PGAP1: variants seen among roughly 807,000 people sequenced by gnomAD.
PGAP1 encodes GPI inositol-deacylase.
A neutral mutation model predicts 127.0 loss-of-function variants in PGAP1; 76 were observed. That is an observed-to-expected ratio of 0.60 (90% CI 0.50 to 0.72). The LOEUF (loss-of-function observed/expected upper bound fraction) is 0.72. PGAP1 is among the 30% of genes least tolerant of loss of function. The pLI is 0.00. For synonymous variants in PGAP1, 362 were observed against 366.5 expected (o/e 0.99, Z 0.14); for missense variants, 982 against 1,071.3 (o/e 0.92, Z 1.16).
rs1700219071 is a variant in PGAP1, at chr2:196,835,693, A to G, written c.*5541T>C. ...GAAAAGTTCATTGGCACAAATATCC[A>G]GAGGTATTTTACAGTTTCATTTACC... On this transcript the variant is annotated 3_prime_UTR_variant, in exon 27 of 27. Transcript: ENST00000354764. The G allele has an allele frequency of 6.6e-6, 1 of 152,528 alleles. No homozygotes were observed. The highest frequency in any genetic ancestry group is 1.5e-5 in the Non-Finnish European group (1 of 67,914). 9.4% of individuals were successfully genotyped at this position (152,528 alleles called of 1,614,324 possible). A position where few individuals can be genotyped will look rare whatever the true frequency, so the allele number is the denominator to read the frequency against.
At chr2:196,864,415 A>AAAAAAAC (rs1188656265) in intron 20 of PGAP1, among the ~76,000 whole-genome samples, 3 of 149,318 alleles carry the variant, frequency 2.0e-5, no homozygotes, top group African/African-American at 7.4e-5. Flanking sequence ...AAAAAAAAAA[A>AAAAAAAC]GGCATTTGAT....
intron 5 of PGAP1, 95 bp from the exon 6 acceptor site, chr2:196,898,464 ATATAGTTTCACTATATTG>A (rs1211902107): frequency 1.1e-5 from 9 of 795,602 alleles, no homozygotes; most frequent in Non-Finnish European, 1.9e-5. Context: ...GAAACACATA[ATATAGTTTCACTATATTG>A]TGAGGCCTAG....
chr2:196,903,883 C>A (rs1702588946), intron 4 of PGAP1, among the ~76,000 whole-genome samples: 1 of 152,164 alleles, frequency 6.6e-6, no homozygotes, highest in Admixed American at 6.5e-5. Flanking sequence ...AAATTTAATG[C>A]ATTTTTATCC....
chr2:196,873,467 AC>A, intron 16 of PGAP1, 60 bp downstream of exon 16: 2 of 1,219,416 alleles, frequency 1.6e-6, no homozygotes, highest in African/African-American at 3.1e-5. Flanking sequence ...TTGAGTTAAC[AC>A]CTATTGAGTC....
At chr2:196,911,516 T>C (rs1260084665) in intron 4 of PGAP1, among the ~76,000 whole-genome samples, 2 of 88,880 alleles carry the variant, frequency 2.3e-5, no homozygotes, top group Non-Finnish European at 4.2e-5. Flanking sequence ...AGATGACACA[T>C]TAGTGGGTGC....
rs1361547443 is a variant in PGAP1, at chr2:196,845,964, A to T, written c.2204T>A (p.Leu735Ter). The T allele has an allele frequency of 1.2e-5, 19 of 1,607,516 alleles. No homozygotes were observed. The highest frequency in any genetic ancestry group is 1.4e-5 in the Non-Finnish European group (17 of 1,175,640). The change falls in exon 23 of 27, where the codon TTG becomes TAG. Residue 735 changes from leucine (L) to a stop codon, truncating the protein, a stop_gained. Transcript: ENST00000354764. LOFTEE classifies it high-confidence loss of function. Reference protein sequence around the residue: ...IKMISPDLPFLTIVLIIVSWT... With the variant: ...IKMISPDLPF The stretch of plus-strand genomic sequence containing the variant: ...ACTAACTATGATCAAGACAATTGTC[A>T]AAAAGGGCAAGTCTGGTGATATCAT...
chr2:196,900,095 G>A (rs926459130), intron 5 of PGAP1, among the ~76,000 whole-genome samples: 2 of 152,172 alleles, frequency 1.3e-5, no homozygotes, highest in African/African-American at 4.8e-5. Flanking sequence ...ATGTGAGCAG[G>A]AGTGATGTGT....
Position 196,836,925 on chromosome 2 carries a change from C to T in PGAP1, c.*4309G>A, listed in dbSNP as rs1700253271. 6.6e-6 allele frequency: 1 copy of T among 152,102 alleles called. No individual in the cohort carries two copies. Among genetic ancestry groups the T allele is most frequent in the African/African-American group, 2.4e-5 (1 of 41,442 alleles). The allele number at this position is 152,102 out of a possible 1,614,324, so 9.4% of individuals were successfully genotyped here. A position where few individuals can be genotyped will look rare whatever the true frequency, so the allele number is the denominator to read the frequency against. On this transcript the variant is annotated 3_prime_UTR_variant, in exon 27 of 27. Transcript: ENST00000354764. ...AATATACAAGTTCACAAATCCTACACAATGAGAAAACAAAAAGCAATCATG... is the reference window on the plus strand; with the variant it reads ...AATATACAAGTTCACAAATCCTACATAATGAGAAAACAAAAAGCAATCATG...
At chr2:196,851,333 C>T (rs1452291332) in intron 20 of PGAP1, among the ~76,000 whole-genome samples, 1 of 152,152 alleles carries the variant, frequency 6.6e-6, no homozygotes, top group African/African-American at 2.4e-5. Flanking sequence ...AAATACTTCT[C>T]TGAGGACATC....
At position 196,834,418 on chromosome 2, in the gene PGAP1, A is replaced by G. The variant is rs1243698515; in HGVS notation, c.*6816T>C. 1 of 152,458 alleles carries G rather than the reference A, an allele frequency of 6.6e-6. No individual in the cohort carries two copies. The highest frequency in any genetic ancestry group is 2.4e-5 in the African/African-American group (1 of 41,428). The allele number at this position is 152,458 out of a possible 1,614,324, so 9.4% of individuals were successfully genotyped here. On this transcript the variant is annotated 3_prime_UTR_variant, in exon 27 of 27. Coordinates refer to ENST00000354764, the MANE Select transcript of PGAP1 (RefSeq NM_024989.4). Reference sequence around the variant, plus strand: ...GAGAGGACCACCCATAATAAAATGTACAGTTATAAAATTGCAGGGCACTCT... The same window carrying G: ...GAGAGGACCACCCATAATAAAATGTGCAGTTATAAAATTGCAGGGCACTCT...
rs930564961 is a variant in PGAP1 at position 196,836,551 on chromosome 2, CTAT to C, written c.*4680_*4682del. On this transcript the variant is annotated 3_prime_UTR_variant, in exon 27 of 27. Coordinates refer to ENST00000354764, the MANE Select transcript of PGAP1 (RefSeq NM_024989.4). ...GGATTACTGACCTGACTTTTCTTTCCTATTATTCTTATTAAAAGTAAAGAATGG... is the reference window on the plus strand; with the variant it reads ...GGATTACTGACCTGACTTTTCTTTCCTATTCTTATTAAAAGTAAAGAATGG... 1 of 152,064 alleles carries C rather than the reference CTAT, an allele frequency of 6.6e-6. No homozygotes were observed. Among genetic ancestry groups the C allele is most frequent in the Non-Finnish European group, 1.5e-5 (1 of 67,964 alleles). The allele number at this position is 152,064 out of a possible 1,614,324, so 9.4% of individuals were successfully genotyped here. A position where few individuals can be genotyped will look rare whatever the true frequency, so the allele number is the denominator to read the frequency against.
At chr2:196,861,661 C>T (rs988430117) in intron 20 of PGAP1, among the ~76,000 whole-genome samples, 12 of 152,132 alleles carry the variant, frequency 7.9e-5, no homozygotes, top group Admixed American at 7.9e-4. Flanking sequence ...CATGGAGAAA[C>T]CCTGTCTGTT....
intron 24 of PGAP1, among the ~76,000 whole-genome samples, 179 bp downstream of exon 24, chr2:196,844,345 G>C: frequency 6.6e-6 from 1 of 151,660 alleles, no homozygotes; most frequent in East Asian, 1.9e-4. Context: ...AATGACATGG[G>C]TACTGACAAA....
intron 19 of PGAP1, among the ~76,000 whole-genome samples, chr2:196,868,122 C>A (rs963016540): frequency 6.6e-6 from 1 of 152,136 alleles, no homozygotes; most frequent in African/African-American, 2.4e-5. Context: ...TCCCTTCTCT[C>A]TATATATATC....
At chr2:196,844,202 G>T in intron 24 of PGAP1, 127 bp from the exon 25 acceptor site, 1 of 597,708 alleles carries the variant, frequency 1.7e-6, no homozygotes. Flanking sequence ...ATAAAATCCT[G>T]AAATTACTTT....
Position 196,836,122 on chromosome 2 carries a change from G to T in PGAP1, c.*5112C>A, listed in dbSNP as rs1257850249. ...CCAACAGATACAGTTTTTCATAAGT[G>T]TTCAAAGTTACAATGTACAGAATGA... On this transcript the variant is annotated 3_prime_UTR_variant, in exon 27 of 27. Coordinates refer to ENST00000354764, the MANE Select transcript of PGAP1 (RefSeq NM_024989.4). The T allele has an allele frequency of 1.3e-5, 2 of 152,398 alleles. No individual in the cohort carries two copies. The highest frequency in any genetic ancestry group is 4.8e-5 in the African/African-American group (2 of 41,430). The allele number at this position is 152,398 out of a possible 1,614,324, so 9.4% of individuals were successfully genotyped here. A position where few individuals can be genotyped will look rare whatever the true frequency, so the allele number is the denominator to read the frequency against.
chr2:196,924,917 C>T (rs146667191), intron 1 of PGAP1, among the ~76,000 whole-genome samples: 108 of 152,242 alleles, frequency 7.1e-4, no homozygotes, highest in African/African-American at 2.6e-3. Context: ...ACTGTACTGT[C>T]ACAAAATGAT....
At chr2:196,855,097 T>C (rs1055824003) in intron 20 of PGAP1, among the ~76,000 whole-genome samples, 5 of 150,352 alleles carry the variant, frequency 3.3e-5, no homozygotes, top group Non-Finnish European at 7.4e-5. Flanking sequence ...CCAAGGCAGG[T>C]GGATTGCCTG....
chr2:196,864,415 A>AAAAAAC lies in PGAP1; in HGVS notation c.1861+571_1861+572insGTTTTT, dbSNP rs1188656265. Reference sequence around the variant, plus strand: ...CAAAAAAAAAAAAAAAAAAAAAAAAAGGCATTTGATAATATTAGGGCACTA... The same window carrying AAAAAAC: ...CAAAAAAAAAAAAAAAAAAAAAAAAAAAAAACGGCATTTGATAATATTAGGGCACTA... On this transcript the variant is annotated intron_variant, in intron 20 of 26. Transcript: ENST00000354764. 8.7e-5 allele frequency among the ~76,000 whole-genome samples: 13 copies of AAAAAAC among 149,316 alleles called. 1 individual carries two copies. The highest frequency in any genetic ancestry group is 3.2e-4 in the African/African-American group (13 of 40,276).
Sources: gnomAD v4.1 joint callset for allele counts (sites outside exome capture counted in the v4.1 genomes callset) on GRCh38, gnomAD v4.1.1 for gene constraint, MANE v1.5 for transcripts, NCBI Gene and HGNC (gene_info 2026-07-23, HGNC 2026-07-21) for gene names.